The following GOLGA8M variants were observed in gnomAD, a reference collection of about 807,000 sequenced individuals.
The protein encoded by GOLGA8M is golgin subfamily A member 8M.
A neutral mutation model predicts 87.7 loss-of-function variants in GOLGA8M; 34 were observed. The observed-to-expected ratio is 0.39, with a 90% CI of 0.29 to 0.52. The LOEUF (loss-of-function observed/expected upper bound fraction) is 0.52. GOLGA8M is among the 20% of genes least tolerant of loss of function. The pLI is 0.80. For synonymous variants in GOLGA8M, 138 were observed against 250.2 expected (o/e 0.55, Z 4.23); for missense variants, 396 against 682.2 (o/e 0.58, Z 4.67).
At chr15:28,704,018 T>C in intron 13 of GOLGA8M, 101 bp from the exon 14 acceptor site, 2 of 1,559,406 alleles carry the variant, frequency 1.3e-6, no homozygotes, top group Middle Eastern at 2.1e-4. Flanking sequence ...CCTGCAACTT[T>C]TGGCAGGCCA....
chr15:28,711,625 C>G (rs1315289710), intron 1 of GOLGA8M: 1 of 984,972 alleles, frequency 1.0e-6, no homozygotes, highest in South Asian at 4.7e-5. Context: ...ACCAGAGGAA[C>G]CAGAAACGAG....
At chr15:28,712,957 T>C (rs577034094), upstream of GOLGA8M, among the ~76,000 whole-genome samples, 5 of 150,342 alleles carry the variant, frequency 3.3e-5, no homozygotes, top group South Asian at 2.1e-4. Flanking sequence ...ATGATTTCTC[T>C]TTTTTGGAAA....
intron 13 of GOLGA8M, among the ~76,000 whole-genome samples, chr15:28,704,819 T>C (rs1390955958): frequency 6.9e-6 from 1 of 145,472 alleles, no homozygotes; most frequent in Non-Finnish European, 1.5e-5. Context: ...ACTCCCGACC[T>C]CAAGTGATTC....
chr15:28,701,788 T>A lies in GOLGA8M; in HGVS notation c.*166A>T, dbSNP rs1019567911. On this transcript the variant is annotated 3_prime_UTR_variant, in exon 19 of 19. Transcript: ENST00000563027. ...CAGTGAGAGCCACAGACACCCACTCTCTTTTAACTTTTTACAAATAAACTT... is the reference window on the plus strand; with the variant it reads ...CAGTGAGAGCCACAGACACCCACTCACTTTTAACTTTTTACAAATAAACTT... Among the ~76,000 whole-genome samples the A allele has an allele frequency of 1.3e-5, 2 of 151,756 alleles. No individual in the cohort carries two copies. Among genetic ancestry groups the A allele is most frequent in the Admixed American group, 6.6e-5 (1 of 15,226 alleles).
At position 28,704,637 on chromosome 15, in the gene GOLGA8M, G is replaced by A. The variant is rs1203921263; in HGVS notation, c.1200+522C>T. ...CTGTGGCCCAGGCTGGAGTGCAGTG[G>A]TGCAATCTCAGCTCACTGCAACCTC... On this transcript the variant is annotated intron_variant, in intron 13 of 18. Coordinates refer to ENST00000563027, the MANE Select transcript of GOLGA8M (RefSeq NM_001282468.3). 1.4e-5 allele frequency among the ~76,000 whole-genome samples: 2 copies of A among 145,094 alleles called. 1 individual carries two copies. The highest frequency in any genetic ancestry group is 5.5e-4 in the East Asian group (2 of 3,636).
In GOLGA8M at chr15:28,707,160, C is replaced by A. The variant is rs1221127977; in HGVS notation, c.592-461G>T. 2.9e-5 allele frequency among the ~76,000 whole-genome samples: 4 copies of A among 135,934 alleles called. 1 individual carries two copies. In the South Asian group the frequency reaches 9.2e-4, roughly 31 times the overall value. 89.2% of individuals were successfully genotyped at this position (135,934 alleles called of 152,430 possible). A position where few individuals can be genotyped will look rare whatever the true frequency, so the allele number is the denominator to read the frequency against. On this transcript the variant is annotated intron_variant, in intron 8 of 18. Coordinates refer to ENST00000563027, the MANE Select transcript of GOLGA8M (RefSeq NM_001282468.3). The stretch of plus-strand genomic sequence containing the variant: ...CCAGGTCTATCCAATTCTCTAAGCC[C>A]GTTTTTCTTGCTGGGGATGGGGGCA...
Position 28,706,455 on chromosome 15 carries a change from G to C in GOLGA8M, c.730C>G (p.His244Asp), listed in dbSNP as rs1189476758. The change falls in exon 10 of 19, where the codon CAT (histidine) becomes GAT (aspartate). Residue 244 changes from histidine (H) to aspartate (D), a missense_variant. By Grantham distance (81) the His-to-Asp change is moderately conservative (BLOSUM62 -1). Transcript: ENST00000563027. ...CACCGGGCCCTCTCTCCTTTTAGAT[G>C]TTCAGAATACTCATCTCTTTCTAAT... ...VQLERDEYSE[H>D]LKGERARWQQ... 4 of 1,220,114 alleles carry C rather than the reference G, an allele frequency of 3.3e-6. No individual in the cohort carries two copies. Among genetic ancestry groups the C allele is most frequent in the Admixed American group, 1.9e-5 (1 of 51,412 alleles). 75.6% of individuals were successfully genotyped at this position (1,220,114 alleles called of 1,614,324 possible). A position where few individuals can be genotyped will look rare whatever the true frequency, so the allele number is the denominator to read the frequency against.
At chr15:28,702,803 T>G in intron 15 of GOLGA8M, 58 bp from the exon 16 acceptor site, 9 of 1,583,840 alleles carry the variant, frequency 5.7e-6, no homozygotes, top group Non-Finnish European at 7.7e-6. Context: ...GGTGGCATTT[T>G]CAAGTCATGG....
upstream of GOLGA8M, among the ~76,000 whole-genome samples, chr15:28,713,181 T>A (rs1352849436): frequency 6.6e-6 from 1 of 150,454 alleles, no homozygotes; most frequent in African/African-American, 2.4e-5. Context: ...CTACTAAAAA[T>A]ACAAAAAAGG....
rs529659442 is a variant in GOLGA8M at position 28,710,170 on chromosome 15, A to T, written c.168+317T>A. The stretch of plus-strand genomic sequence containing the variant: ...TTGGCTACTGCAAGCTCCACCTCCC[A>T]GGTTCACACCATTCTCTTGCCTCAG... On this transcript the variant is annotated intron_variant, in intron 2 of 18. Coordinates refer to ENST00000563027, the MANE Select transcript of GOLGA8M (RefSeq NM_001282468.3). Among the ~76,000 whole-genome samples, 559 of 145,688 alleles carry T rather than the reference A, an allele frequency of 3.8e-3. 4 individuals are homozygous for T. The highest frequency in any genetic ancestry group is 0.014 in the African/African-American group (538 of 39,104).
In GOLGA8M at chr15:28,698,823, A is replaced by G. The variant is rs1404803468; in HGVS notation, c.*3131T>C. Among the ~76,000 whole-genome samples the G allele has an allele frequency of 6.9e-6, 1 of 144,318 alleles. No individual in the cohort carries two copies. Among genetic ancestry groups the G allele is most frequent in the Non-Finnish European group, 1.5e-5 (1 of 67,662 alleles). 94.7% of individuals were successfully genotyped at this position (144,318 alleles called of 152,430 possible). A position where few individuals can be genotyped will look rare whatever the true frequency, so the allele number is the denominator to read the frequency against. On this transcript the variant is annotated 3_prime_UTR_variant, in exon 19 of 19. Transcript: ENST00000563027. ...TACAGTGGCATCACACCAGCAGTCA[A>G]TAAGGCCACTCTAGGGAAAAATCTT...
rs1049821080 is a variant in GOLGA8M, at chr15:28,701,241, C to T, written c.*713G>A. The stretch of plus-strand genomic sequence containing the variant: ...TCCTAAGGGCACCACCATAATACAC[C>T]GCTAATTCCTGGCACCGGAACAGAT... On this transcript the variant is annotated 3_prime_UTR_variant, in exon 19 of 19. Coordinates refer to ENST00000563027, the MANE Select transcript of GOLGA8M (RefSeq NM_001282468.3). 8.6e-5 allele frequency among the ~76,000 whole-genome samples: 13 copies of T among 152,010 alleles called. No individual in the cohort carries two copies. Among genetic ancestry groups the T allele is most frequent in the East Asian group, 1.9e-4 (1 of 5,156 alleles).
At position 28,699,008 on chromosome 15, in the gene GOLGA8M, T is replaced by A. The variant is rs1456045172; in HGVS notation, c.*2946A>T. 2.7e-5 allele frequency among the ~76,000 whole-genome samples: 4 copies of A among 147,254 alleles called. No individual in the cohort carries two copies. The highest frequency in any genetic ancestry group is 5.9e-5 in the Non-Finnish European group (4 of 67,756). On this transcript the variant is annotated 3_prime_UTR_variant, in exon 19 of 19. Coordinates refer to ENST00000563027, the MANE Select transcript of GOLGA8M (RefSeq NM_001282468.3). ...CTTTTATACTACAGTATTCATATTT[T>A]AAAATGTTTTAAATTATTTCAGAAC...
intron 15 of GOLGA8M, chr15:28,703,062 A>G (rs2079864741): frequency 1.2e-6 from 1 of 855,978 alleles, no homozygotes; most frequent in Non-Finnish European, 1.4e-6. Context: ...GAGAAATGCC[A>G]CCTGAGGGCA....
At chr15:28,704,042 T>A (rs1048197657) in intron 13 of GOLGA8M, 125 bp from the exon 14 acceptor site, 3 of 1,544,266 alleles carry the variant, frequency 1.9e-6, no homozygotes, top group Admixed American at 4.3e-5. Context: ...CGGCCACCGC[T>A]TTGCCTCAAG....
Position 28,702,687 on chromosome 15 carries a change from T to C in GOLGA8M, c.1427A>G (p.Gln476Arg). Residue 476 changes from glutamine to arginine, a missense_variant, in exon 16 of 19, where the codon CAA becomes CGA. By Grantham distance (43) the Gln-to-Arg change is conservative. Around this residue, in one of 12 missense-constraint regions of GOLGA8M, gnomAD observed 173 missense variants for 150.2 expected, o/e 1.15. Coordinates refer to ENST00000563027, the MANE Select transcript of GOLGA8M (RefSeq NM_001282468.3). Reference sequence around the variant, plus strand: ...CCAGTATTGAATGAAGCGAAGTTCTTGTTTCTTCACAAGCTCACTCAGGTC... The same window carrying C: ...CCAGTATTGAATGAAGCGAAGTTCTCGTTTCTTCACAAGCTCACTCAGGTC... ...KADLSELVKK[Q>R]ELRFIQYWQE... 1 of 1,605,802 alleles carries C rather than the reference T, an allele frequency of 6.2e-7. No individual in the cohort carries two copies. Among genetic ancestry groups the C allele is most frequent in the Non-Finnish European group, 8.5e-7 (1 of 1,179,496 alleles).
chr15:28,709,855 A>G (rs979922189), intron 2 of GOLGA8M, among the ~76,000 whole-genome samples: 17 of 149,446 alleles, frequency 1.1e-4, no homozygotes, highest in African/African-American at 4.2e-4. Context: ...AAAATCAAAC[A>G]GCAAAGACCA....
At chr15:28,713,034 A>T (rs1011659052), upstream of GOLGA8M, among the ~76,000 whole-genome samples, 2 of 151,134 alleles carry the variant, frequency 1.3e-5, no homozygotes, top group African/African-American at 4.9e-5. Flanking sequence ...CATGTCTAAT[A>T]TCTGTAAAAA....
Position 28,701,585 on chromosome 15 carries a change from C to T in GOLGA8M, c.*369G>A, listed in dbSNP as rs1411790660. The stretch of plus-strand genomic sequence containing the variant: ...AATTCTGTAGTGAATATACATGCTG[C>T]AATAACATTAAAAAAGCATGGCAGC... On this transcript the variant is annotated 3_prime_UTR_variant, in exon 19 of 19. Transcript: ENST00000563027. Among the ~76,000 whole-genome samples the T allele has an allele frequency of 3.3e-5, 5 of 151,236 alleles. No homozygotes were observed. The highest frequency in any genetic ancestry group is 2.0e-4 in the Admixed American group (3 of 15,166).
Sources: allele counts gnomAD v4.1 joint callset (sites outside exome capture counted in the v4.1 genomes callset), GRCh38; gene constraint gnomAD v4.1.1; regional missense constraint gnomAD v4.1.1; transcripts MANE v1.5; gene names NCBI Gene and HGNC (gene_info 2026-07-23, HGNC 2026-07-21).